HCN1: variants seen among roughly 807,000 people sequenced by gnomAD.
HCN1 encodes hyperpolarization activated cyclic nucleotide gated potassium channel 1.
In HCN1, 13 loss-of-function variants were observed where a neutral mutation model predicts 78.9. That is an observed-to-expected ratio of 0.16 (90% CI 0.11 to 0.26). The LOEUF (loss-of-function observed/expected upper bound fraction) is 0.26. Ranked by LOEUF, HCN1 falls within the 10% of genes least tolerant of loss-of-function variation. HCN1 has a pLI of 1.00. For synonymous variants in HCN1, 552 were observed against 455.5 expected, an observed-to-expected ratio of 1.21 and a Z score of -2.70; for missense variants, 810 against 1,154.3, an observed-to-expected ratio of 0.70 and a Z score of 4.32.
intron 1 of HCN1, among the ~76,000 whole-genome samples, chr5:45,673,460 G>T (rs879926219): frequency 6.6e-6 from 1 of 151,428 alleles, no homozygotes; most frequent in Non-Finnish European, 1.5e-5. Context: ...TTTATTTATT[G>T]ATTCAATACT....
At chr5:45,284,368 C>G (rs1745228444) in intron 6 of HCN1, among the ~76,000 whole-genome samples, 1 of 152,034 alleles carries the variant, frequency 6.6e-6, no homozygotes. Flanking sequence ...TCCTAACAAA[C>G]ATTTTTGAAA....
chr5:45,552,956 T>A (rs927165206), intron 2 of HCN1, among the ~76,000 whole-genome samples: 1 of 151,812 alleles, frequency 6.6e-6, no homozygotes, highest in Admixed American at 6.6e-5. Flanking sequence ...TTAATCACAA[T>A]CAAAGTGAAG....
intron 2 of HCN1, among the ~76,000 whole-genome samples, chr5:45,470,779 T>C (rs1352655182): frequency 6.6e-5 from 10 of 151,954 alleles, no homozygotes. Context: ...AGGCACTGGG[T>C]TCACCACGGC....
chr5:45,476,054 C>G (rs938224728), intron 2 of HCN1, among the ~76,000 whole-genome samples: 1 of 152,056 alleles, frequency 6.6e-6, no homozygotes, highest in African/African-American at 2.4e-5. Context: ...GTGAGAGTAG[C>G]TATAGGACAA....
In HCN1 at chr5:45,286,828, A is replaced by G. The variant is rs551849212; in HGVS notation, c.1618+16771T>C. Among the ~76,000 whole-genome samples the G allele has an allele frequency of 2.0e-5, 3 of 152,196 alleles. No individual in the cohort carries two copies. The East Asian group carries it at 5.8e-4, about 29-fold the overall frequency. On this transcript the variant is annotated intron_variant, in intron 6 of 7. Transcript: ENST00000303230. ...CTGGCATTTTAAATTTTCAAAGGAC[A>G]TCCCAATAATGTAAGTTTAATATAC...
Position 45,651,938 on chromosome 5 carries a change from A to G in HCN1, c.426-6330T>C, listed in dbSNP as rs17279770. On this transcript the variant is annotated intron_variant, in intron 1 of 7. Transcript: ENST00000303230. ...TAGTAAACCCTTGCAAAATGATCCT[A>G]TCTGAGGGAAAGTTTAGCCTAAGTA... Among the ~76,000 whole-genome samples, 614 of 152,102 alleles carry G rather than the reference A, an allele frequency of 4.0e-3. 1 individual carries two copies. Among genetic ancestry groups the G allele is most frequent in the Non-Finnish European group, 5.5e-3 (373 of 67,882 alleles).
At chr5:45,387,873 A>G (rs1747959156) in intron 4 of HCN1, among the ~76,000 whole-genome samples, 1 of 152,318 alleles carries the variant, frequency 6.6e-6, no homozygotes, top group South Asian at 2.1e-4. Context: ...TAGGCACAGT[A>G]AGAGACGCAC....
intron 2 of HCN1, among the ~76,000 whole-genome samples, chr5:45,550,318 T>TA (rs1200565064): frequency 3.9e-5 from 6 of 152,086 alleles, no homozygotes; most frequent in Non-Finnish European, 7.4e-5. Flanking sequence ...TATGCAGCCA[T>TA]AAAAAATGAT....
At chr5:45,606,313 G>A (rs1744726713) in intron 2 of HCN1, among the ~76,000 whole-genome samples, 1 of 151,748 alleles carries the variant, frequency 6.6e-6, no homozygotes, top group Non-Finnish European at 1.5e-5. Context: ...TGGGGTAGGG[G>A]TGCATATATA....
At chr5:45,363,325 T>G (rs1161813664) in intron 4 of HCN1, among the ~76,000 whole-genome samples, 1 of 151,416 alleles carries the variant, frequency 6.6e-6, no homozygotes, top group Non-Finnish European at 1.5e-5. Context: ...TCTAGAAAAC[T>G]TGCTCAGCTC....
At chr5:45,303,072 C>A (rs975743371) in intron 6 of HCN1, among the ~76,000 whole-genome samples, 2 of 152,046 alleles carry the variant, frequency 1.3e-5, no homozygotes, top group South Asian at 4.1e-4. Context: ...TAACTACAGG[C>A]TACATTTTGC....
chr5:45,284,579 T>C (rs1475977514), intron 6 of HCN1, among the ~76,000 whole-genome samples: 1 of 152,176 alleles, frequency 6.6e-6, no homozygotes, highest in East Asian at 1.9e-4. Flanking sequence ...GTCAATCCTC[T>C]TTCCCTTGGC....
intron 1 of HCN1, among the ~76,000 whole-genome samples, chr5:45,658,372 G>A (rs1015139964): frequency 6.6e-6 from 1 of 152,332 alleles, no homozygotes; most frequent in East Asian, 1.9e-4. Context: ...GGTAATGAAA[G>A]TCAGAATTGA....
intron 1 of HCN1, among the ~76,000 whole-genome samples, chr5:45,650,845 C>T (rs1745664935): frequency 6.6e-6 from 1 of 151,814 alleles, no homozygotes; most frequent in Admixed American, 6.6e-5. Flanking sequence ...CCTCCTTGTT[C>T]CTAACAAGAA....
At chr5:45,582,256 C>T (rs898815528) in intron 2 of HCN1, among the ~76,000 whole-genome samples, 32 of 152,018 alleles carry the variant, frequency 2.1e-4, no homozygotes, top group Non-Finnish European at 2.8e-4. Flanking sequence ...AGTTGGATTC[C>T]TAGGTATTTT....
chr5:45,432,545 G>A (rs1458408714), intron 3 of HCN1, among the ~76,000 whole-genome samples: 1 of 151,846 alleles, frequency 6.6e-6, no homozygotes, highest in Non-Finnish European at 1.5e-5. Flanking sequence ...GTGAGAGAGG[G>A]CATCCTTGTT....
At chr5:45,692,755 C>T (rs562232113) in intron 1 of HCN1, among the ~76,000 whole-genome samples, 360 of 152,148 alleles carry the variant, frequency 2.4e-3, no homozygotes, top group African/African-American at 8.2e-3. Flanking sequence ...GGGAGCACAG[C>T]CTTGTCCCTT....
intron 1 of HCN1, among the ~76,000 whole-genome samples, chr5:45,684,851 G>C (rs1739772015): frequency 6.6e-6 from 1 of 152,154 alleles, no homozygotes; most frequent in Admixed American, 6.5e-5. Context: ...AACAAAGCAA[G>C]ACTCTGTCTC....
chr5:45,324,053 T>G lies in HCN1; in HGVS notation c.1378-20214A>C, dbSNP rs10058524. 1.0e-2 allele frequency among the ~76,000 whole-genome samples: 1,510 copies of G among 151,238 alleles called. 25 individuals are homozygous for G. The highest frequency in any genetic ancestry group is 0.035 in the African/African-American group (1,446 of 40,870). ...CATGTGTCTTTATAGCTGCATGATTTATAATCCTTTGGGTATATACCCAGT... is the reference window on the plus strand; with the variant it reads ...CATGTGTCTTTATAGCTGCATGATTGATAATCCTTTGGGTATATACCCAGT... On this transcript the variant is annotated intron_variant, in intron 5 of 7. Transcript: ENST00000303230.
Sources: allele counts gnomAD v4.1 joint callset (sites outside exome capture counted in the v4.1 genomes callset), GRCh38; gene constraint gnomAD v4.1.1; transcripts MANE v1.5; gene names NCBI Gene and HGNC (gene_info 2026-07-23, HGNC 2026-07-21).